The following GALNTL6 variants were observed in gnomAD, a reference collection of about 807,000 sequenced individuals.
GALNTL6 encodes polypeptide N-acetylgalactosaminyltransferase like 6.
A neutral mutation model predicts 73.7 loss-of-function variants in GALNTL6; 46 were observed. The observed-to-expected ratio is 0.62, with a 90% CI of 0.49 to 0.80. GALNTL6 has a LOEUF of 0.80. Ranked by LOEUF, GALNTL6 falls within the 30% of genes least tolerant of loss-of-function variation. The pLI is 0.00. For synonymous variants in GALNTL6, 259 were observed against 263.7 expected (o/e 0.98, Z 0.17); for missense variants, 604 against 755.0 (o/e 0.80, Z 2.34).
At chr4:172,860,506 G>C (rs1002773391) in intron 7 of GALNTL6, among the ~76,000 whole-genome samples, 2 of 151,986 alleles carry the variant, frequency 1.3e-5, no homozygotes, top group African/African-American at 2.4e-5. Flanking sequence ...AATATCCCCA[G>C]CCTTTTACTT....
intron 5 of GALNTL6, among the ~76,000 whole-genome samples, chr4:172,687,400 C>T (rs898089219): frequency 3.3e-5 from 5 of 151,852 alleles, no homozygotes; most frequent in East Asian, 1.9e-4. Flanking sequence ...AAGGCTGAGG[C>T]GGGCGGATCA....
intron 3 of GALNTL6, among the ~76,000 whole-genome samples, chr4:172,295,211 C>T (rs1008687980): frequency 6.6e-6 from 1 of 152,010 alleles, no homozygotes; most frequent in African/African-American, 2.4e-5. Context: ...CACCTGAGGT[C>T]AGGAGTTCAA....
chr4:172,147,482 C>A (rs375728076), intron 2 of GALNTL6, among the ~76,000 whole-genome samples: 2 of 152,174 alleles, frequency 1.3e-5, no homozygotes, highest in East Asian at 3.9e-4. Flanking sequence ...ATTCTGAAAG[C>A]ATATGTGAAG....
chr4:172,387,492 A>G (rs919556325), intron 5 of GALNTL6, among the ~76,000 whole-genome samples: 3 of 152,126 alleles, frequency 2.0e-5, no homozygotes, highest in Non-Finnish European at 2.9e-5. Context: ...CTTTTGGATT[A>G]GAAGTCAACT....
chr4:172,768,263 G>A (rs2332553), intron 5 of GALNTL6, among the ~76,000 whole-genome samples: 148,792 of 152,238 alleles, frequency 0.98, 72,797 homozygotes, highest in Middle Eastern at 1. Context: ...CTTACAATCA[G>A]CAGGAGAGAG....
chr4:172,726,140 G>C (rs989154528), intron 5 of GALNTL6, among the ~76,000 whole-genome samples: 2 of 152,092 alleles, frequency 1.3e-5, no homozygotes, highest in Non-Finnish European at 2.9e-5. Context: ...TCGCTTACAG[G>C]CTTCCTGCTG....
intron 2 of GALNTL6, among the ~76,000 whole-genome samples, chr4:171,925,379 T>C (rs920804559): frequency 6.6e-6 from 1 of 152,098 alleles, no homozygotes; most frequent in Non-Finnish European, 1.5e-5. Flanking sequence ...CAGCCAAAGA[T>C]AATGGCCTGA....
At chr4:171,979,778 GCTTCCCT>G (rs1739838305) in intron 2 of GALNTL6, among the ~76,000 whole-genome samples, 1 of 152,022 alleles carries the variant, frequency 6.6e-6, no homozygotes, top group South Asian at 2.1e-4. Context: ...TCCGAGCCAA[GCTTCCCT>G]CTGGCAAGTG....
At chr4:172,915,460 C>A (rs758834138) in intron 8 of GALNTL6, among the ~76,000 whole-genome samples, 1 of 152,102 alleles carries the variant, frequency 6.6e-6, no homozygotes, top group African/African-American at 2.4e-5. Flanking sequence ...AATCCAGCAG[C>A]TGGTTTTTCG....
At chr4:172,386,816 G>T (rs1254651213) in intron 5 of GALNTL6, among the ~76,000 whole-genome samples, 1 of 152,034 alleles carries the variant, frequency 6.6e-6, no homozygotes, top group Non-Finnish European at 1.5e-5. Flanking sequence ...CAGCCAATTG[G>T]ATAGTTTCTA....
intron 3 of GALNTL6, among the ~76,000 whole-genome samples, chr4:172,246,427 G>A (rs1737662516): frequency 1.3e-5 from 2 of 152,066 alleles, no homozygotes; most frequent in Admixed American, 6.6e-5. Context: ...AATAACTTTT[G>A]AAATTGTGGC....
In GALNTL6 at chr4:172,832,946, TGAAGG is replaced by T. The variant is rs548628525; in HGVS notation, c.923+19228_923+19232del. 2.0e-5 allele frequency among the ~76,000 whole-genome samples: 3 copies of T among 152,222 alleles called. No homozygotes were observed. In the South Asian group the frequency reaches 6.2e-4, roughly 32 times the overall value. ...CCCACCAGCTCCAGCTAGAAAAACGTGAAGGGAAGACCTATCTTGTGCAGGCCTAT... is the reference window on the plus strand; with the variant it reads ...CCCACCAGCTCCAGCTAGAAAAACGTGAAGACCTATCTTGTGCAGGCCTAT... On this transcript the variant is annotated intron_variant, in intron 7 of 12. Coordinates refer to ENST00000506823, the MANE Select transcript of GALNTL6 (RefSeq NM_001034845.3).
At chr4:172,784,069 T>C (rs1268297192) in intron 5 of GALNTL6, among the ~76,000 whole-genome samples, 1 of 152,150 alleles carries the variant, frequency 6.6e-6, no homozygotes, top group Non-Finnish European at 1.5e-5. Context: ...TTTTAAGCAA[T>C]ATAAACCTAT....
intron 5 of GALNTL6, among the ~76,000 whole-genome samples, chr4:172,747,001 T>C (rs1737150443): frequency 6.6e-6 from 1 of 152,042 alleles, no homozygotes; most frequent in South Asian, 2.1e-4. Flanking sequence ...TCAGTAAAGT[T>C]GCAGGATACA....
At chr4:172,386,350 C>T (rs781528156) in intron 5 of GALNTL6, among the ~76,000 whole-genome samples, 8 of 152,026 alleles carry the variant, frequency 5.3e-5, no homozygotes, top group Admixed American at 1.3e-4. Flanking sequence ...AGGACACTTT[C>T]CCTGGTTTTA....
chr4:172,753,931 G>A (rs1472690966), intron 5 of GALNTL6, among the ~76,000 whole-genome samples: 1 of 152,112 alleles, frequency 6.6e-6, no homozygotes, highest in South Asian at 2.1e-4. Flanking sequence ...TAATGAGAAG[G>A]GAGACAGAGA....
chr4:172,185,790 T>C (rs1735397834), intron 2 of GALNTL6, among the ~76,000 whole-genome samples: 1 of 152,188 alleles, frequency 6.6e-6, no homozygotes, highest in African/African-American at 2.4e-5. Flanking sequence ...CTTGAGAATG[T>C]TGAGAATTAA....
intron 2 of GALNTL6, among the ~76,000 whole-genome samples, chr4:171,988,922 G>T (rs1356316699): frequency 4.0e-5 from 6 of 151,776 alleles, no homozygotes; most frequent in African/African-American, 1.5e-4. Flanking sequence ...GCTTTGAACT[G>T]GGGGAAAAGG....
At chr4:172,755,237 T>TATAGATAAATAGATAG (rs1553984923) in intron 5 of GALNTL6, among the ~76,000 whole-genome samples, 2 of 145,550 alleles carry the variant, frequency 1.4e-5, no homozygotes, top group African/African-American at 5.2e-5. Flanking sequence ...AAATGACAGA[T>TATAGATAAATAGATAG]ATAGATAGAT....
Sources: gnomAD v4.1 joint callset for allele counts (sites outside exome capture counted in the v4.1 genomes callset) on GRCh38, gnomAD v4.1.1 for gene constraint, MANE v1.5 for transcripts, NCBI Gene and HGNC (gene_info 2026-07-23, HGNC 2026-07-21) for gene names.